KAZN: variants seen among roughly 807,000 people sequenced by gnomAD.
KAZN encodes the protein kazrin, periplakin interacting protein.
A neutral mutation model predicts 87.4 loss-of-function variants in KAZN; 40 were observed. The observed-to-expected ratio is 0.46, with a 90% CI of 0.36 to 0.60. The LOEUF is 0.60. Ranked by LOEUF, KAZN falls within the 20% of genes least tolerant of loss-of-function variation. KAZN has a pLI of 0.00. For missense variants in KAZN, 898 were observed against 1,073.9 expected (o/e 0.84, Z 2.29); for synonymous variants, 466 against 458.3 (o/e 1.02, Z -0.22).
intron 5 of KAZN, among the ~76,000 whole-genome samples, chr1:15,059,231 C>A (rs1638571252): frequency 6.6e-6 from 1 of 151,962 alleles, no homozygotes; most frequent in South Asian, 2.1e-4. Context: ...GCCACCATGC[C>A]CAGCCAAAAG....
intron 1 of KAZN, among the ~76,000 whole-genome samples, chr1:14,789,109 C>T (rs1645596785): frequency 6.6e-6 from 1 of 152,120 alleles, no homozygotes. Flanking sequence ...CGGGAGCATT[C>T]GTTCATTCCC....
At chr1:14,671,869 G>A (rs977159185) in intron 1 of KAZN, among the ~76,000 whole-genome samples, 4 of 152,286 alleles carry the variant, frequency 2.6e-5, no homozygotes, top group Admixed American at 1.3e-4. Flanking sequence ...TAGAGTGAGC[G>A]GAGGAGTGTG....
At chr1:14,029,614 C>T (rs1180285250) in intron 1 of KAZN, among the ~76,000 whole-genome samples, 13 of 150,890 alleles carry the variant, frequency 8.6e-5, no homozygotes, top group Non-Finnish European at 1.5e-4. Context: ...TTAGGTCTAA[C>T]GTTTAAGTCT....
chr1:14,045,968 A>G (rs1024378175), intron 1 of KAZN, among the ~76,000 whole-genome samples: 3 of 152,220 alleles, frequency 2.0e-5, no homozygotes, highest in Admixed American at 1.3e-4. Context: ...AAAACGTACA[A>G]TTGAAAGAGA....
chr1:14,871,553 G>A lies in KAZN; in HGVS notation c.227-89131G>A, dbSNP rs77548332. Among the ~76,000 whole-genome samples the A allele has an allele frequency of 9.0e-3, 1,366 of 152,104 alleles. 9 individuals carry two copies. The highest frequency in any genetic ancestry group is 0.015 in the Non-Finnish European group (1,047 of 68,004). On this transcript the variant is annotated intron_variant, in intron 1 of 14. Coordinates refer to ENST00000376030, the MANE Select transcript of KAZN (RefSeq NM_201628.3). The stretch of plus-strand genomic sequence containing the variant: ...TCAGTGCATCTGCAACAGGGGAGGC[G>A]TAAGGAAGATGCTTTCTGTGCATCT...
At chr1:15,005,630 A>C (rs1668926486) in intron 2 of KAZN, among the ~76,000 whole-genome samples, 1 of 152,110 alleles carries the variant, frequency 6.6e-6, no homozygotes, top group African/African-American at 2.4e-5. Flanking sequence ...TACTAAAAAT[A>C]TTTTAAAAAT....
intron 1 of KAZN, among the ~76,000 whole-genome samples, chr1:13,912,277 G>A (rs1639681622): frequency 1.3e-5 from 2 of 152,166 alleles, no homozygotes; most frequent in African/African-American, 4.8e-5. Flanking sequence ...TGTGCCTAAT[G>A]AGTCCGCGGC....
chr1:13,956,988 G>C (rs182931647), intron 1 of KAZN, among the ~76,000 whole-genome samples: 60 of 152,336 alleles, frequency 3.9e-4, no homozygotes, highest in African/African-American at 1.3e-3. Flanking sequence ...CTGAGGGCAT[G>C]ATGAGGCTGG....
At chr1:15,045,138 C>G (rs1052965851) in intron 4 of KAZN, among the ~76,000 whole-genome samples, 1 of 152,168 alleles carries the variant, frequency 6.6e-6, no homozygotes, top group Non-Finnish European at 1.5e-5. Context: ...TTACTTGTTA[C>G]TGGGCTGGGA....
chr1:14,952,110 C>T (rs908208901), intron 1 of KAZN, among the ~76,000 whole-genome samples: 1 of 152,194 alleles, frequency 6.6e-6, no homozygotes, highest in African/African-American at 2.4e-5. Context: ...GGGGTGGCAG[C>T]AGCCATGGTC....
intron 2 of KAZN, among the ~76,000 whole-genome samples, chr1:15,024,414 TG>T (rs1383336559): frequency 6.6e-6 from 1 of 152,212 alleles, no homozygotes; most frequent in African/African-American, 2.4e-5. Context: ...TGAACATTTT[TG>T]TTCCAAAAGG....
At chr1:14,980,631 A>G (rs1183125260) in intron 2 of KAZN, among the ~76,000 whole-genome samples, 1 of 152,168 alleles carries the variant, frequency 6.6e-6, no homozygotes, top group Non-Finnish European at 1.5e-5. Flanking sequence ...CCTGTTCAGC[A>G]TCGTGATTTG....
chr1:14,304,694 T>C, intron 2 of KAZN: 1 of 398,368 alleles, frequency 2.5e-6, no homozygotes, highest in African/African-American at 2.1e-5. Flanking sequence ...CAGGGGTACA[T>C]CTGAGTTTCG....
chr1:14,225,634 T>C (rs1647241360), intron 2 of KAZN, among the ~76,000 whole-genome samples: 1 of 151,980 alleles, frequency 6.6e-6, no homozygotes, highest in Non-Finnish European at 1.5e-5. Context: ...TATTACAGGG[T>C]ATAGTAACTA....
chr1:14,476,182 C>T (rs1309358887), intron 2 of KAZN, among the ~76,000 whole-genome samples: 4 of 152,198 alleles, frequency 2.6e-5, no homozygotes, highest in Admixed American at 2.6e-4. Context: ...TTTCCCTAGG[C>T]TGCTCCTTGG....
chr1:14,301,992 T>C (rs1474437043), intron 2 of KAZN, among the ~76,000 whole-genome samples: 1 of 152,214 alleles, frequency 6.6e-6, no homozygotes, highest in East Asian at 1.9e-4. Flanking sequence ...CCAATTGGAC[T>C]CTAAGGTCTA....
chr1:14,389,475 A>AT (rs1325739700), intron 2 of KAZN, among the ~76,000 whole-genome samples: 8 of 132,366 alleles, frequency 6.0e-5, no homozygotes, highest in Admixed American at 1.5e-4. Flanking sequence ...AGATGAATGG[A>AT]TAAAAAAAAA....
At chr1:14,573,420 G>A (rs747353449) in intron 2 of KAZN, among the ~76,000 whole-genome samples, 2 of 152,082 alleles carry the variant, frequency 1.3e-5, no homozygotes, top group South Asian at 2.1e-4. Flanking sequence ...AGGCCGAGGC[G>A]GGCAGATCAC....
At chr1:14,380,651 C>G (rs985275286) in intron 2 of KAZN, among the ~76,000 whole-genome samples, 1 of 151,942 alleles carries the variant, frequency 6.6e-6, no homozygotes, top group African/African-American at 2.4e-5. Flanking sequence ...GAAGACAGAC[C>G]ATTTGAAAAT....
Sources: gnomAD v4.1 joint callset for allele counts (sites outside exome capture counted in the v4.1 genomes callset) on GRCh38, gnomAD v4.1.1 for gene constraint, MANE v1.5 for transcripts, NCBI Gene and HGNC (gene_info 2026-07-23, HGNC 2026-07-21) for gene names.